Variants in PDE7B observed in about 807,000 individuals in gnomAD.
PDE7B encodes the protein 3',5'-cyclic-AMP phosphodiesterase 7B.
A neutral mutation model predicts 56.2 loss-of-function variants in PDE7B; 29 were observed. The ratio of observed to expected loss-of-function variants is 0.52; its 90% CI spans 0.38 to 0.70. The LOEUF (loss-of-function observed/expected upper bound fraction) is 0.70. Among genes scored for constraint, PDE7B ranks in the 30% least tolerant of loss-of-function variants. PDE7B has a pLI of 0.00. For synonymous variants in PDE7B, 197 were observed against 196.9 expected, an observed-to-expected ratio of 1.00 and a Z score of 0.00; for missense variants, 490 against 565.0, an observed-to-expected ratio of 0.87 and a Z score of 1.35.
intron 2 of PDE7B, among the ~76,000 whole-genome samples, chr6:135,979,413 C>T (rs1215353460): frequency 6.6e-6 from 1 of 151,550 alleles, no homozygotes. Context: ...GGGAGGATTC[C>T]CTCTTTTTCT....
At chr6:135,899,445 A>G (rs1775961174) in intron 1 of PDE7B, among the ~76,000 whole-genome samples, 1 of 150,774 alleles carries the variant, frequency 6.6e-6, no homozygotes, top group Non-Finnish European at 1.5e-5. Flanking sequence ...ATATAGATAT[A>G]TATGAGATCT....
intron 2 of PDE7B, among the ~76,000 whole-genome samples, chr6:136,027,888 C>T (rs1583835988): frequency 6.6e-6 from 1 of 152,138 alleles, no homozygotes; most frequent in African/African-American, 2.4e-5. Context: ...TCCCAAAGTG[C>T]TGGGATTACA....
chr6:136,042,677 T>C (rs1358366726), intron 2 of PDE7B, among the ~76,000 whole-genome samples: 2 of 152,182 alleles, frequency 1.3e-5, no homozygotes, highest in Non-Finnish European at 2.9e-5. Flanking sequence ...GAAGAAAATC[T>C]CCAGAACCAT....
intron 2 of PDE7B, among the ~76,000 whole-genome samples, chr6:136,099,887 T>A (rs1777532756): frequency 6.6e-6 from 1 of 152,240 alleles, no homozygotes; most frequent in Admixed American, 6.5e-5. Context: ...GGTTTTCCTC[T>A]AGGGTTTTTG....
intron 11 of PDE7B, among the ~76,000 whole-genome samples, chr6:136,184,966 G>A (rs1403889275): frequency 6.6e-6 from 1 of 152,100 alleles, no homozygotes; most frequent in Admixed American, 6.6e-5. Flanking sequence ...GAGGGTGAAG[G>A]GAAGGGAGAA....
chr6:136,001,716 A>G (rs1013344691), intron 2 of PDE7B, among the ~76,000 whole-genome samples: 10 of 152,360 alleles, frequency 6.6e-5, no homozygotes, highest in Non-Finnish European at 1.3e-4. Context: ...GACCAAATCT[A>G]CATCTGACTG....
At chr6:136,043,593 A>T (rs1031658396) in intron 2 of PDE7B, among the ~76,000 whole-genome samples, 4 of 151,388 alleles carry the variant, frequency 2.6e-5, no homozygotes, top group African/African-American at 9.7e-5. Context: ...AAAAAAAAAA[A>T]AAGTGCCTAG....
At chr6:135,960,820 TAAA>T (rs1774886477) in intron 2 of PDE7B, among the ~76,000 whole-genome samples, 1 of 152,228 alleles carries the variant, frequency 6.6e-6, no homozygotes, top group Non-Finnish European at 1.5e-5. Flanking sequence ...TAGATGAAAT[TAAA>T]GAGTATATTC....
At chr6:136,081,859 T>G (rs1179598014) in intron 2 of PDE7B, among the ~76,000 whole-genome samples, 1 of 152,212 alleles carries the variant, frequency 6.6e-6, no homozygotes, top group Non-Finnish European at 1.5e-5. Context: ...ATTTGTTTGT[T>G]TGCTTACACC....
chr6:136,174,021 G>A (rs1778936909), intron 9 of PDE7B, 133 bp downstream of exon 9: 1 of 654,870 alleles, frequency 1.5e-6, no homozygotes, highest in Non-Finnish European at 2.7e-6. Context: ...GCACTGAGCT[G>A]TCTATCAGAG....
chr6:135,950,280 CACTGTCTAAGGTATTA>C (rs1015765441), intron 2 of PDE7B, among the ~76,000 whole-genome samples: 3 of 152,102 alleles, frequency 2.0e-5, no homozygotes, highest in Non-Finnish European at 4.4e-5. Context: ...ACCTCTTCAC[CACTGTCTAAGGTATTA>C]ATTAGTTTGT....
In PDE7B at chr6:136,079,341, G is replaced by C. The variant is rs190920971; in HGVS notation, c.83-29390G>C. ...TATATCTATTTTACACATTAAGACT[G>C]TACCTTCAAACTGTGTTGTTCCATA... is the stretch of plus-strand genomic sequence containing the variant. On this transcript the variant is annotated intron_variant, in intron 2 of 12. Coordinates refer to ENST00000308191, the MANE Select transcript of PDE7B (RefSeq NM_018945.4). 4.6e-5 allele frequency among the ~76,000 whole-genome samples: 7 copies of C among 152,260 alleles called. No individual in the cohort carries two copies. The East Asian group carries it at 9.6e-4, about 21-fold the overall frequency.
At position 135,998,552 on chromosome 6, in the gene PDE7B, C is replaced by T. The variant is rs545062076; in HGVS notation, c.82+51028C>T. On this transcript the variant is annotated intron_variant, in intron 2 of 12. Transcript: ENST00000308191. ...CGGGCAGATCACGAGGTCAGGAGATCGAGACCATCCTGGCTAACACGGTGA... is the reference window on the plus strand; with the variant it reads ...CGGGCAGATCACGAGGTCAGGAGATTGAGACCATCCTGGCTAACACGGTGA... 5.6e-3 allele frequency among the ~76,000 whole-genome samples: 856 copies of T among 151,974 alleles called. 2 individuals carry two copies. Among genetic ancestry groups the T allele is most frequent in the Middle Eastern group, 0.017 (5 of 294 alleles).
At chr6:136,034,367 C>T (rs927254554) in intron 2 of PDE7B, 8 of 152,118 alleles carry the variant, frequency 5.3e-5, no homozygotes, top group Admixed American at 2.6e-4. Flanking sequence ...ACTTTAGTAT[C>T]GGGGTTATCA....
intron 2 of PDE7B, chr6:136,098,142 G>A (rs912037948): frequency 7.4e-6 from 1 of 134,476 alleles, no homozygotes; most frequent in Non-Finnish European, 1.6e-5. Flanking sequence ...CTGGGGGGGG[G>A]GGGGGAAATA....
chr6:135,994,972 A>G (rs1454377503), intron 2 of PDE7B, among the ~76,000 whole-genome samples: 1 of 152,198 alleles, frequency 6.6e-6, no homozygotes, highest in African/African-American at 2.4e-5. Context: ...TCTTCCTAAA[A>G]CAGCACTTTC....
At chr6:136,129,974 C>CCTG (rs1340597842) in intron 3 of PDE7B, among the ~76,000 whole-genome samples, 1 of 152,196 alleles carries the variant, frequency 6.6e-6, no homozygotes, top group Admixed American at 6.5e-5. Flanking sequence ...ACAGGTCCCA[C>CCTG]CTGAGTGGGT....
At chr6:135,942,016 G>T (rs1169287746) in intron 1 of PDE7B, among the ~76,000 whole-genome samples, 1 of 152,152 alleles carries the variant, frequency 6.6e-6, no homozygotes, top group Non-Finnish European at 1.5e-5. Context: ...AAGTGCTGTC[G>T]ATTGAACAAT....
intron 1 of PDE7B, among the ~76,000 whole-genome samples, chr6:135,890,102 A>T (rs1775784797): frequency 6.6e-6 from 1 of 152,124 alleles, no homozygotes; most frequent in Admixed American, 6.6e-5. Context: ...CAGGGACATG[A>T]GTGTACCAAT....
Sources: gnomAD v4.1 joint callset for allele counts (sites outside exome capture counted in the v4.1 genomes callset) on GRCh38, gnomAD v4.1.1 for gene constraint, MANE v1.5 for transcripts, NCBI Gene and HGNC (gene_info 2026-07-23, HGNC 2026-07-21) for gene names.